DNAAF11: variants seen among roughly 807,000 people sequenced by gnomAD.
DNAAF11 encodes leucine rich repeat containing 6.
Under a neutral mutation model 60.8 loss-of-function variants are expected in DNAAF11, and 45 were observed. The ratio of observed to expected loss-of-function variants is 0.74; its 90% CI spans 0.58 to 0.95. The LOEUF (loss-of-function observed/expected upper bound fraction) is 0.95, where lower values mean the gene tolerates loss of function less well. DNAAF11 is among the 40% of genes least tolerant of loss of function. DNAAF11 has a pLI of 0.00. For missense variants in DNAAF11, 546 were observed against 546.2 expected (o/e 1.00, Z 0.00); for synonymous variants, 191 against 183.5 (o/e 1.04, Z -0.33).
At chr8:132,611,112 T>C (rs1384191123) in intron 9 of DNAAF11, among the ~76,000 whole-genome samples, 182 bp downstream of exon 9, 1 of 152,202 alleles carries the variant, frequency 6.6e-6, no homozygotes, top group Non-Finnish European at 1.5e-5. Context: ...CAGACTGGTC[T>C]CCAGCTCCTG....
chr8:132,670,778 T>G (rs1825115191), intron 1 of DNAAF11, among the ~76,000 whole-genome samples: 2 of 150,852 alleles, frequency 1.3e-5, no homozygotes, highest in Non-Finnish European at 3.0e-5. Flanking sequence ...AAGGGGGGAG[T>G]TATCCAATGT....
chr8:132,618,872 C>T (rs35992193), intron 7 of DNAAF11, among the ~76,000 whole-genome samples: 23,703 of 151,210 alleles, frequency 0.16, 2,901 homozygotes, highest in African/African-American at 0.34. Context: ...AGTTCAACCA[C>T]TGTGGAAGTC....
At chr8:132,593,359 A>G (rs898554517) in intron 10 of DNAAF11, among the ~76,000 whole-genome samples, 1 of 145,044 alleles carries the variant, frequency 6.9e-6, no homozygotes, top group Admixed American at 6.9e-5. Flanking sequence ...ATATATATAT[A>G]TATTTATATG....
chr8:132,675,646 C>T (rs535585292), upstream of DNAAF11: 36 of 694,556 alleles, frequency 5.2e-5, no homozygotes, highest in Middle Eastern at 2.9e-3. Context: ...CAAAACAAGC[C>T]GCGTTTCCTG....
the DNAAF11 span, among the ~76,000 whole-genome samples, chr8:132,684,048 C>G: frequency 6.6e-6 from 1 of 152,202 alleles, no homozygotes; most frequent in Non-Finnish European, 1.5e-5. Flanking sequence ...ATGGCACCCC[C>G]TGTTTTTGCC....
rs182274041 is a variant in DNAAF11, at chr8:132,666,061, A to G, written c.11-4434T>C. ...CTAAACTGTGGGTACACAAGGACAT[A>G]AAGATGGAAACAATAGACCCTGAGG... On this transcript the variant is annotated intron_variant, in intron 1 of 11. Coordinates refer to ENST00000620350, the MANE Select transcript of DNAAF11 (RefSeq NM_012472.6). Among the ~76,000 whole-genome samples, 4 of 152,330 alleles carry G rather than the reference A, an allele frequency of 2.6e-5. No individual in the cohort carries two copies. In the East Asian group the frequency reaches 7.7e-4, roughly 29 times the overall value.
chr8:132,638,163 C>T, intron 3 of DNAAF11, 56 bp from the exon 4 acceptor site: 1 of 1,367,472 alleles, frequency 7.3e-7, no homozygotes, highest in African/African-American at 1.4e-5. Context: ...ACACTGGTAA[C>T]AAAACGTGTG....
intron 6 of DNAAF11, 172 bp from the exon 7 acceptor site, chr8:132,622,860 C>A: frequency 1.8e-6 from 1 of 562,130 alleles, no homozygotes; most frequent in Non-Finnish European, 3.1e-6. Flanking sequence ...TAATTCTATG[C>A]TGGGAACTGA....
At chr8:132,667,321 T>G (rs1824733890) in intron 1 of DNAAF11, among the ~76,000 whole-genome samples, 1 of 152,072 alleles carries the variant, frequency 6.6e-6, no homozygotes, top group Admixed American at 6.5e-5. Context: ...TTCTTAAAAT[T>G]TTTTTGAGGA....
intron 3 of DNAAF11, among the ~76,000 whole-genome samples, chr8:132,638,866 T>C (rs1291643443): frequency 6.6e-6 from 1 of 152,166 alleles, no homozygotes; most frequent in Non-Finnish European, 1.5e-5. Context: ...TCCATGCAAA[T>C]TTGGAGGCTA....
intron 5 of DNAAF11, among the ~76,000 whole-genome samples, chr8:132,627,952 C>A (rs1405529397): frequency 6.6e-6 from 1 of 152,176 alleles, no homozygotes; most frequent in Non-Finnish European, 1.5e-5. Flanking sequence ...GTACTGTTCA[C>A]TGTAGAGGTG....
At chr8:132,593,776 C>A (rs1398130518) in intron 10 of DNAAF11, among the ~76,000 whole-genome samples, 1 of 151,900 alleles carries the variant, frequency 6.6e-6, no homozygotes, top group Non-Finnish European at 1.5e-5. Context: ...TGATTTTTGA[C>A]AAAGGTGCCG....
chr8:132,616,663 A>G (rs1053797911), intron 7 of DNAAF11, among the ~76,000 whole-genome samples: 33 of 152,214 alleles, frequency 2.2e-4, no homozygotes, highest in African/African-American at 7.5e-4. Context: ...TTTAGTCGTC[A>G]TAAGTGTGCA....
At position 132,599,769 on chromosome 8, in the gene DNAAF11, G is replaced by A. The variant is rs539711632; in HGVS notation, c.1140+10397C>T. ...TGAATAAATTAGGTATTGATGGGAC[G>A]TATCTCAAAATAATAAGAGCTATTT... On this transcript the variant is annotated intron_variant, in intron 10 of 11. Coordinates refer to ENST00000620350, the MANE Select transcript of DNAAF11 (RefSeq NM_012472.6). Among the ~76,000 whole-genome samples the A allele has an allele frequency of 4.3e-3, 648 of 152,156 alleles. 10 individuals are homozygous for A. The highest frequency in any genetic ancestry group is 0.014 in the African/African-American group (596 of 41,504).
At chr8:132,655,814 A>T (rs1375209954) in intron 3 of DNAAF11, among the ~76,000 whole-genome samples, 1 of 152,238 alleles carries the variant, frequency 6.6e-6, no homozygotes, top group East Asian at 1.9e-4. Context: ...CTATAAAAAT[A>T]AACAAAAATA....
chr8:132,702,763 G>A, the DNAAF11 span, among the ~76,000 whole-genome samples: 1 of 152,194 alleles, frequency 6.6e-6, no homozygotes, highest in East Asian at 1.9e-4. Context: ...ACGTGAAATC[G>A]CTTGTCCAAA....
At chr8:132,618,184 C>G (rs1487706488) in intron 7 of DNAAF11, among the ~76,000 whole-genome samples, 1 of 150,860 alleles carries the variant, frequency 6.6e-6, no homozygotes, top group African/African-American at 2.4e-5. Flanking sequence ...CTGAGAAAAA[C>G]AAGAAATGGG....
At chr8:132,577,588 ATAGT>A (rs1021251001) in intron 11 of DNAAF11, among the ~76,000 whole-genome samples, 10 of 152,350 alleles carry the variant, frequency 6.6e-5, no homozygotes, top group African/African-American at 9.6e-5. Flanking sequence ...ATCATTTAGT[ATAGT>A]TACTCAGTTG....
the DNAAF11 span, among the ~76,000 whole-genome samples, chr8:132,686,960 C>G: frequency 6.6e-6 from 1 of 152,164 alleles, no homozygotes; most frequent in Non-Finnish European, 1.5e-5. Flanking sequence ...ACTAGTCTGT[C>G]TCTGCTGAAC....
Sources: gnomAD v4.1 joint callset for allele counts (sites outside exome capture counted in the v4.1 genomes callset) on GRCh38, gnomAD v4.1.1 for gene constraint, MANE v1.5 for transcripts, NCBI Gene and HGNC (gene_info 2026-07-23, HGNC 2026-07-21) for gene names.